The following POGLUT1 variants were observed in gnomAD, a reference collection of about 807,000 sequenced individuals.
The protein encoded by POGLUT1 is protein O-glucosyltransferase 1.
Under a neutral mutation model 61.3 loss-of-function variants are expected in POGLUT1, and 32 were observed. The observed-to-expected ratio is 0.52, with a 90% confidence interval of 0.39 to 0.70. The LOEUF is 0.70. Ranked by LOEUF, POGLUT1 falls within the 30% of genes least tolerant of loss-of-function variation. The pLI, the probability that POGLUT1 is intolerant of heterozygous loss-of-function variation, is 0.00. For missense variants in POGLUT1, 411 were observed against 469.8 expected (o/e 0.87, Z 1.16); for synonymous variants, 158 against 158.2 (o/e 1.00, Z 0.01).
intron 4 of POGLUT1, among the ~76,000 whole-genome samples, chr3:119,479,349 C>T (rs145165917): frequency 2.0e-5 from 3 of 152,276 alleles, no homozygotes; most frequent in East Asian, 1.9e-4. Context: ...CCCAACAGTG[C>T]CATAGTATGA....
rs75388849 is a variant in POGLUT1 at position 119,469,126 on chromosome 3, G to T, written c.85+20G>T. ...AGTCAGGTGGGCTCCGGGCAGTGCC[G>T]AGCCTGCCCCTTGGGCTCGGGGTCT... On this transcript the variant is annotated intron_variant, in intron 1 of 10. Transcript: ENST00000295588. 606 of 1,572,812 alleles carry T rather than the reference G, an allele frequency of 3.9e-4. 3 individuals carry two copies. In the African/African-American group the frequency reaches 7.4e-3, roughly 19 times the overall value.
intron 4 of POGLUT1, 23 bp downstream of exon 4, chr3:119,477,471 G>T (rs2081551866): frequency 6.2e-7 from 1 of 1,611,230 alleles, no homozygotes; most frequent in Non-Finnish European, 8.5e-7. Context: ...AGAGCCACAT[G>T]GGTGGATGGA....
intron 3 of POGLUT1, 168 bp downstream of exon 3, chr3:119,471,620 G>A (rs761732422): frequency 6.7e-5 from 43 of 639,352 alleles, no homozygotes; most frequent in Non-Finnish European, 1.1e-4. Flanking sequence ...TTTTTCTTGC[G>A]AGCTCCTCTC....
intron 4 of POGLUT1, chr3:119,478,063 TG>T: frequency 3.2e-6 from 1 of 316,376 alleles, no homozygotes; most frequent in South Asian, 2.8e-5. Flanking sequence ...CTTGGGGAAT[TG>T]GGGGCAAGGA....
In POGLUT1 at chr3:119,470,826, C is replaced by A. The variant is rs146131821; in HGVS notation, c.177-483C>A. 1.1e-3 allele frequency among the ~76,000 whole-genome samples: 175 copies of A among 152,338 alleles called. 2 individuals carry two copies. Among genetic ancestry groups the A allele is most frequent in the African/African-American group, 4.1e-3 (171 of 41,574 alleles). ...ACTTATTGAAAACTTACTATGCACT[C>A]ACTTTAAAAGGAATACAAAATAGTG... On this transcript the variant is annotated intron_variant, in intron 2 of 10. Coordinates refer to ENST00000295588, the MANE Select transcript of POGLUT1 (RefSeq NM_152305.3).
intron 10 of POGLUT1, 107 bp downstream of exon 10, chr3:119,491,681 C>T (rs1255490690): frequency 5.2e-6 from 3 of 575,128 alleles, no homozygotes; most frequent in Non-Finnish European, 6.3e-6. Context: ...TGTATTTTAT[C>T]CTCATTATAT....
Position 119,469,907 on chromosome 3 carries a change from A to T in POGLUT1, c.173A>T (p.His58Leu). 1.9e-6 allele frequency: 3 copies of T among 1,562,154 alleles called. No individual in the cohort carries two copies. Among genetic ancestry groups the T allele is most frequent in the Non-Finnish European group, 2.6e-6 (3 of 1,132,684 alleles). Residue 58 changes from histidine (H) to leucine (L), a missense_variant, in exon 2 of 11, where the codon CAT becomes CTT. Transcript: ENST00000295588. ...PCSSQNCSCY[H>L]GVIEEDLTPF... ...TCAAGTCAAAACTGCAGCTGCTACCATGGGTGAGTTCTTTTCTTTGATGTG... is the reference window on the plus strand; with the variant it reads ...TCAAGTCAAAACTGCAGCTGCTACCTTGGGTGAGTTCTTTTCTTTGATGTG...
At position 119,492,454 on chromosome 3, in the gene POGLUT1, C is replaced by T. The variant is rs752229231; in HGVS notation, c.*16C>T. 20 of 1,511,016 alleles carry T rather than the reference C, an allele frequency of 1.3e-5. No homozygotes were observed. The highest frequency in any genetic ancestry group is 1.8e-5 in the Non-Finnish European group (20 of 1,113,580). The allele number at this position is 1,511,016 out of a possible 1,614,324, so 93.6% of individuals were successfully genotyped here. On this transcript the variant is annotated 3_prime_UTR_variant, in exon 11 of 11. Transcript: ENST00000295588. ...TGAACTATAGTAGTCATCATAGGAC[C>T]ATAGTCCTCTTTGTGGCAACAGATC...
chr3:119,492,491 A>G lies in POGLUT1; in HGVS notation c.*53A>G. 2 of 1,254,698 alleles carry G rather than the reference A, an allele frequency of 1.6e-6. No homozygotes were observed. Among genetic ancestry groups the G allele is most frequent in the African/African-American group, 1.5e-5 (1 of 66,570 alleles). 77.7% of individuals were successfully genotyped at this position (1,254,698 alleles called of 1,614,324 possible). A position where few individuals can be genotyped will look rare whatever the true frequency, so the allele number is the denominator to read the frequency against. On this transcript the variant is annotated 3_prime_UTR_variant, in exon 11 of 11. Transcript: ENST00000295588. ...TGTGGCAACAGATCTCAGATATCCT[A>G]CGGTGAGAAGCTTACCATAAGCTTG... is the stretch of plus-strand genomic sequence containing the variant.
intron 4 of POGLUT1, chr3:119,478,428 A>G (rs752843008): frequency 4.4e-6 from 2 of 456,570 alleles, no homozygotes; most frequent in South Asian, 3.1e-5. Context: ...GTTTGGTTCC[A>G]TTGTTTGTCA....
At chr3:119,490,801 C>G (rs1343089931) in intron 9 of POGLUT1, 83 bp downstream of exon 9, 1 of 1,206,888 alleles carries the variant, frequency 8.3e-7, no homozygotes, top group East Asian at 2.3e-5. Flanking sequence ...TAAAACCAGT[C>G]ATGTAAGACA....
At chr3:119,477,469 A>T (rs778939464) in intron 4 of POGLUT1, 21 bp downstream of exon 4, 1 of 1,611,374 alleles carries the variant, frequency 6.2e-7, no homozygotes, top group Non-Finnish European at 8.5e-7. Flanking sequence ...GGAGAGCCAC[A>T]TGGGTGGATG....
Position 119,492,291 on chromosome 3 carries a change from G to A in POGLUT1, c.1032G>A (p.Gln344=), listed in dbSNP as rs1352277643. 4 of 1,601,200 alleles carry A rather than the reference G, an allele frequency of 2.5e-6. No homozygotes were observed. Among genetic ancestry groups the A allele is most frequent in the Non-Finnish European group, 3.4e-6 (4 of 1,174,600 alleles). ...TAAATCTTGTCTCTAGGGGAAGCCA[G>A]TTTATTAGGAACCATTTGCAGATGG... The part of the protein sequence containing the change: ...VAQEIAERGS[Q]FIRNHLQMDD... The change falls in exon 11 of 11, where the codon CAG becomes CAA. Residue 344 remains glutamine (Q), a synonymous_variant. Transcript: ENST00000295588.
intron 7 of POGLUT1, among the ~76,000 whole-genome samples, chr3:119,487,460 G>A (rs1181369472): frequency 6.6e-6 from 1 of 152,114 alleles, no homozygotes; most frequent in Non-Finnish European, 1.5e-5. Context: ...GGTGGTATGT[G>A]CCGGTAGTCC....
chr3:119,488,191 G>A (rs2081694016), intron 7 of POGLUT1: 1 of 152,176 alleles, frequency 6.6e-6, no homozygotes, highest in Admixed American at 6.5e-5. Flanking sequence ...ATGAAAAAAT[G>A]TGTTCATTTA....
rs3088258 is a variant in POGLUT1 at position 119,494,373 on chromosome 3, T to C, written c.*1935T>C. On this transcript the variant is annotated 3_prime_UTR_variant, in exon 11 of 11. Transcript: ENST00000295588. The stretch of plus-strand genomic sequence containing the variant: ...ATTATTACTGGCTCCAAAGGATGAG[T>C]AGATAAGACCATAAGAATTGGATCA... 0.15 allele frequency: 22,433 copies of C among 152,624 alleles called. 2,074 individuals are homozygous for C. The highest frequency in any genetic ancestry group is 0.2 in the Non-Finnish European group (13,408 of 67,984). The allele number at this position is 152,624 out of a possible 1,614,324, so 9.5% of individuals were successfully genotyped here. A position where few individuals can be genotyped will look rare whatever the true frequency, so the allele number is the denominator to read the frequency against.
intron 7 of POGLUT1, 196 bp from the exon 8 acceptor site, chr3:119,488,733 C>A (rs562548462): frequency 6.4e-5 from 25 of 393,090 alleles, no homozygotes; most frequent in African/African-American, 4.8e-4. Context: ...TAGAGCCACA[C>A]TGACCTTGAG....
In POGLUT1 at chr3:119,469,830, G is replaced by C. The variant is rs1489837901; in HGVS notation, c.96G>C (p.Trp32Cys). 1.3e-5 allele frequency: 21 copies of C among 1,590,734 alleles called. No individual in the cohort carries two copies. The highest frequency in any genetic ancestry group is 1.8e-5 in the Non-Finnish European group (21 of 1,159,476). ...QGRQKESGSK[W>C]KVFIDQINRS... ...CTTCACTTTTTAAAGGTTCAAAATG[G>C]AAAGTATTTATTGACCAAATTAACA... Residue 32 changes from tryptophan (W) to cysteine (C), a missense_variant, in exon 2 of 11, where the codon TGG becomes TGC. By Grantham distance (215) the Trp-to-Cys change is radical. Transcript: ENST00000295588.
chr3:119,477,396 C>T lies in POGLUT1; in HGVS notation c.404C>T (p.Pro135Leu). 1 of 1,614,144 alleles carries T rather than the reference C, an allele frequency of 6.2e-7. No individual in the cohort carries two copies. Among genetic ancestry groups the T allele is most frequent in the Non-Finnish European group, 8.5e-7 (1 of 1,179,988 alleles). Residue 135 changes from proline (P) to leucine (L), a missense_variant, in exon 4 of 11, where the codon CCT becomes CTT. Physicochemically the swap from Pro to Leu is moderately conservative, Grantham distance 98 (BLOSUM62 -3). Coordinates refer to ENST00000295588, the MANE Select transcript of POGLUT1 (RefSeq NM_152305.3). Reference sequence around the variant, plus strand: ...ATGGTGATCAATGTACGAGATTATCCTCAGGTTCCTAAATGGATGGAGCCT... The same window carrying T: ...ATGGTGATCAATGTACGAGATTATCTTCAGGTTCCTAAATGGATGGAGCCT... The part of the protein sequence containing the change: ...MEMVINVRDY[P>L]QVPKWMEPAI...
Sources: gnomAD v4.1 joint callset for allele counts (sites outside exome capture counted in the v4.1 genomes callset) on GRCh38, gnomAD v4.1.1 for gene constraint, MANE v1.5 for transcripts, NCBI Gene and HGNC (gene_info 2026-07-23, HGNC 2026-07-21) for gene names.